The following ZNF385D variants were observed in gnomAD, a reference collection of about 807,000 sequenced individuals.
The protein encoded by ZNF385D is zinc finger protein 385D, also known as zinc finger protein 659.
Under a neutral mutation model 35.8 loss-of-function variants are expected in ZNF385D, and 15 were observed. The ratio of observed to expected loss-of-function variants is 0.42; its 90% CI spans 0.28 to 0.64. The LOEUF (loss-of-function observed/expected upper bound fraction) is 0.64, where lower values mean the gene tolerates loss of function less well. Ranked by LOEUF, ZNF385D falls within the 30% of genes least tolerant of loss-of-function variation. The pLI is 0.23. For synonymous variants in ZNF385D, 212 were observed against 186.8 expected, an observed-to-expected ratio of 1.13 and a Z score of -1.10; for missense variants, 474 against 494.6, an observed-to-expected ratio of 0.96 and a Z score of 0.39.
At chr3:21,888,595 A>T (rs1269731128) in intron 3 of ZNF385D, among the ~76,000 whole-genome samples, 1 of 152,130 alleles carries the variant, frequency 6.6e-6, no homozygotes, top group Non-Finnish European at 1.5e-5. Flanking sequence ...GAAGATTAAG[A>T]ATTGAAATAA....
At chr3:22,340,914 C>T (rs1022364757) in intron 2 of ZNF385D, among the ~76,000 whole-genome samples, 6 of 152,186 alleles carry the variant, frequency 3.9e-5, no homozygotes, top group African/African-American at 1.2e-4. Flanking sequence ...GCTACCAGGA[C>T]ATCTTTCCTT....
At chr3:21,783,953 G>C (rs1037344053) in intron 3 of ZNF385D, among the ~76,000 whole-genome samples, 1 of 152,134 alleles carries the variant, frequency 6.6e-6, no homozygotes, top group African/African-American at 2.4e-5. Context: ...CTTCCAGAAA[G>C]AAAGTTGTGG....
At chr3:21,485,848 C>A (rs1482942833) in intron 4 of ZNF385D, among the ~76,000 whole-genome samples, 1 of 151,978 alleles carries the variant, frequency 6.6e-6, no homozygotes, top group African/African-American at 2.4e-5. Context: ...AACCTAATGT[C>A]TGAGTCCAAA....
intron 2 of ZNF385D, among the ~76,000 whole-genome samples, chr3:21,601,381 C>T (rs2064285460): frequency 6.6e-6 from 1 of 152,190 alleles, no homozygotes; most frequent in Non-Finnish European, 1.5e-5. Context: ...AATTCATTAG[C>T]ATGAACACTT....
chr3:21,843,878 T>C (rs150577053), intron 3 of ZNF385D, among the ~76,000 whole-genome samples: 2 of 151,986 alleles, frequency 1.3e-5, no homozygotes, highest in East Asian at 3.9e-4. Flanking sequence ...CATCAACCAC[T>C]CCATTCAAAG....
chr3:22,188,143 T>C lies in ZNF385D; in HGVS notation c.107-19108A>G, dbSNP rs181756690. Among the ~76,000 whole-genome samples, 381 of 152,266 alleles carry C rather than the reference T, an allele frequency of 2.5e-3. 1 individual carries two copies. The highest frequency in any genetic ancestry group is 8.9e-3 in the African/African-American group (369 of 41,566). On this transcript the variant is annotated intron_variant, in intron 2 of 5. Coordinates refer to the ZNF385D transcript ENST00000494108. ...GCAGAAACCTAATTTTCAAAGTTTA[T>C]TCTGTGGACAAAGACGAAACCGAAT...
chr3:22,038,792 T>C (rs947333594), intron 3 of ZNF385D, among the ~76,000 whole-genome samples: 1 of 151,814 alleles, frequency 6.6e-6, no homozygotes, highest in African/African-American at 2.4e-5. Context: ...CCCTAGCTCC[T>C]GTAGTTAAGC....
intron 3 of ZNF385D, among the ~76,000 whole-genome samples, chr3:22,040,250 A>T (rs1698581957): frequency 6.6e-6 from 1 of 152,174 alleles, no homozygotes; most frequent in South Asian, 2.1e-4. Context: ...ATTTGAGTAC[A>T]TCATCTGTTG....
At chr3:22,125,562 A>G (rs944060149) in intron 3 of ZNF385D, among the ~76,000 whole-genome samples, 1 of 152,128 alleles carries the variant, frequency 6.6e-6, no homozygotes, top group Admixed American at 6.5e-5. Context: ...ATCCATAAAC[A>G]TAGATTATCT....
intron 3 of ZNF385D, among the ~76,000 whole-genome samples, chr3:21,893,028 T>C (rs994898896): frequency 6.6e-6 from 1 of 152,078 alleles, no homozygotes; most frequent in African/African-American, 2.4e-5. Context: ...TTGAAAAACA[T>C]AGGAGAAGAG....
intron 3 of ZNF385D, among the ~76,000 whole-genome samples, chr3:21,821,692 G>A (rs1038004565): frequency 3.3e-5 from 5 of 152,168 alleles, no homozygotes; most frequent in Non-Finnish European, 5.9e-5. Context: ...GCTAGGTGTG[G>A]TGGCTCGCGC....
intron 2 of ZNF385D, among the ~76,000 whole-genome samples, chr3:22,237,506 T>G (rs923566880): frequency 1.3e-5 from 2 of 152,218 alleles, no homozygotes; most frequent in African/African-American, 4.8e-5. Flanking sequence ...AATTTTTATG[T>G]AGTCCAATTT....
chr3:22,164,216 C>CTTTTTTTTTTTTTTTTTTTTTTTTT lies in ZNF385D; in HGVS notation c.325+4576_325+4600dup, dbSNP rs571978176. 1.5e-4 allele frequency among the ~76,000 whole-genome samples: 11 copies of CTTTTTTTTTTTTTTTTTTTTTTTTT among 74,950 alleles called. 2 individuals carry two copies. The highest frequency in any genetic ancestry group is 1.8e-4 in the Non-Finnish European group (7 of 39,770). 49.2% of individuals were successfully genotyped at this position (74,950 alleles called of 152,430 possible). ...CACTATAGGTAATACAAAAGGAGCA[C>CTTTTTTTTTTTTTTTTTTTTTTTTT]TTTTTTTTTTTTTTTTTTTTTTTTT... On this transcript the variant is annotated intron_variant, in intron 3 of 5. Coordinates refer to the ZNF385D transcript ENST00000494108.
At chr3:22,000,284 G>T (rs563531954) in intron 3 of ZNF385D, among the ~76,000 whole-genome samples, 24 of 136,854 alleles carry the variant, frequency 1.8e-4, no homozygotes, top group African/African-American at 7.1e-4. Flanking sequence ...CAGCCTGGGT[G>T]ACAGAGCGAG....
intron 2 of ZNF385D, among the ~76,000 whole-genome samples, chr3:22,292,625 G>A (rs1038692974): frequency 7.9e-5 from 12 of 152,070 alleles, no homozygotes; most frequent in African/African-American, 2.9e-4. Flanking sequence ...CTAATTTAAA[G>A]ATCTACAGAC....
At position 21,658,035 on chromosome 3, in the gene ZNF385D, G is replaced by A. The variant is rs558815476; in HGVS notation, c.165+6851C>T. Among the ~76,000 whole-genome samples, 28 of 151,990 alleles carry A rather than the reference G, an allele frequency of 1.8e-4. No homozygotes were observed. The East Asian group carries it at 2.5e-3, about 14-fold the overall frequency. On this transcript the variant is annotated intron_variant, in intron 2 of 7. Transcript: ENST00000281523. ...GTATATATCCAAAGATAATAAAAAC[G>A]TGAAATTTTCTGTCTTGGATTCTGT...
intron 4 of ZNF385D, among the ~76,000 whole-genome samples, chr3:21,496,412 TTGA>T (rs1393273253): frequency 6.9e-6 from 1 of 145,936 alleles, no homozygotes; most frequent in African/African-American, 2.5e-5. Context: ...ACACATATAT[TTGA>T]TATATATATC....
intron 3 of ZNF385D, among the ~76,000 whole-genome samples, chr3:22,123,982 A>ATG (rs1703272928): frequency 1.4e-5 from 2 of 139,668 alleles, no homozygotes; most frequent in Non-Finnish European, 3.1e-5. Context: ...ATATATATAT[A>ATG]TATATATTGC....
At chr3:21,966,953 G>C (rs1056562293) in intron 3 of ZNF385D, among the ~76,000 whole-genome samples, 2 of 152,180 alleles carry the variant, frequency 1.3e-5, no homozygotes. Flanking sequence ...GCACATGCAC[G>C]TGGATTTATG....
Sources: gnomAD v4.1 joint callset for allele counts (sites outside exome capture counted in the v4.1 genomes callset) on GRCh38, gnomAD v4.1.1 for gene constraint, MANE v1.5 for transcripts, NCBI Gene and HGNC (gene_info 2026-07-23, HGNC 2026-07-21) for gene names.